GRIA1: variants seen among roughly 807,000 people sequenced by gnomAD.
GRIA1 encodes the protein glutamate ionotropic receptor AMPA type subunit 1.
In GRIA1, 31 loss-of-function variants were observed where a neutral mutation model predicts 99.2. The observed-to-expected ratio is 0.31, with a 90% CI of 0.23 to 0.42. The LOEUF (loss-of-function observed/expected upper bound fraction) is 0.42. Ranked by LOEUF, GRIA1 falls within the 10% of genes least tolerant of loss-of-function variation. The pLI is 1.00. For missense variants in GRIA1, 782 were observed against 1,157.5 expected, an observed-to-expected ratio of 0.68 and a Z score of 4.71; for synonymous variants, 438 against 432.4, an observed-to-expected ratio of 1.01 and a Z score of -0.16.
chr5:153,804,485 C>A (rs1232712865), intron 15 of GRIA1, among the ~76,000 whole-genome samples: 2 of 152,202 alleles, frequency 1.3e-5, no homozygotes, highest in African/African-American at 2.4e-5. Flanking sequence ...GAGCTACAAC[C>A]TGTACCATCC....
At chr5:153,795,332 G>A (rs1002200168) in intron 14 of GRIA1, 8 of 561,130 alleles carry the variant, frequency 1.4e-5, no homozygotes, top group East Asian at 6.4e-5. Context: ...ATGGTGGGGC[G>A]GGGCCAGATG....
At chr5:153,584,854 T>C (rs1763334476) in intron 2 of GRIA1, among the ~76,000 whole-genome samples, 1 of 152,202 alleles carries the variant, frequency 6.6e-6, no homozygotes, top group East Asian at 1.9e-4. Flanking sequence ...AAAAGCAGTC[T>C]GCAGTCCATG....
At chr5:153,746,558 C>A (rs1231331412) in intron 11 of GRIA1, among the ~76,000 whole-genome samples, 1 of 152,124 alleles carries the variant, frequency 6.6e-6, no homozygotes, top group Admixed American at 6.5e-5. Flanking sequence ...CCACAGATGA[C>A]AATGCAGGCC....
intron 2 of GRIA1, among the ~76,000 whole-genome samples, chr5:153,536,003 G>A (rs764116234): frequency 6.6e-5 from 10 of 152,104 alleles, no homozygotes; most frequent in Non-Finnish European, 1.2e-4. Flanking sequence ...TGTCAGAATC[G>A]TCCTTTTAAA....
upstream of GRIA1, chr5:153,490,283 C>G (rs1581118086): frequency 1.1e-5 from 2 of 174,696 alleles, no homozygotes; most frequent in East Asian, 3.4e-4. Context: ...TACAGCTGAA[C>G]CCACATTCCC....
chr5:153,761,313 C>A (rs1194295408), intron 11 of GRIA1, among the ~76,000 whole-genome samples: 1 of 151,912 alleles, frequency 6.6e-6, no homozygotes, highest in Non-Finnish European at 1.5e-5. Context: ...TATAAGGACT[C>A]AATAGCAAAA....
At chr5:153,603,238 C>T (rs892766780) in intron 2 of GRIA1, among the ~76,000 whole-genome samples, 2 of 152,150 alleles carry the variant, frequency 1.3e-5, no homozygotes, top group African/African-American at 4.8e-5. Flanking sequence ...CATGTCCCTA[C>T]AAAGGACATG....
intron 11 of GRIA1, among the ~76,000 whole-genome samples, chr5:153,715,402 A>G (rs1454388969): frequency 2.6e-5 from 4 of 151,842 alleles, no homozygotes; most frequent in African/African-American, 7.3e-5. Flanking sequence ...ACTCCTCTGA[A>G]TCTGTGATTT....
chr5:153,747,605 G>T (rs1041233887), intron 11 of GRIA1, among the ~76,000 whole-genome samples: 3 of 152,212 alleles, frequency 2.0e-5, no homozygotes, highest in African/African-American at 7.2e-5. Context: ...TTGGGGCAAA[G>T]TGAAATTGTT....
chr5:153,713,419 C>G (rs770978712), intron 11 of GRIA1, among the ~76,000 whole-genome samples: 1 of 152,222 alleles, frequency 6.6e-6, no homozygotes, highest in Non-Finnish European at 1.5e-5. Flanking sequence ...TGGCCCCCAT[C>G]ATGGGAGATA....
chr5:153,653,073 C>T (rs1419286995), intron 4 of GRIA1, among the ~76,000 whole-genome samples: 6 of 152,152 alleles, frequency 3.9e-5, no homozygotes, highest in Non-Finnish European at 7.3e-5. Context: ...AATCTAAGCT[C>T]GACGATGCCA....
At chr5:153,506,793 C>T (rs954375077) in intron 2 of GRIA1, among the ~76,000 whole-genome samples, 5 of 152,186 alleles carry the variant, frequency 3.3e-5, no homozygotes, top group Non-Finnish European at 1.5e-5. Flanking sequence ...ACTGCACTTA[C>T]TAGCTCTTCT....
intron 2 of GRIA1, among the ~76,000 whole-genome samples, chr5:153,562,089 T>C (rs545142396): frequency 3.4e-5 from 5 of 148,660 alleles, no homozygotes; most frequent in East Asian, 2.0e-4. Flanking sequence ...CCAAGTTCAT[T>C]TGAGAACCAA....
chr5:153,699,158 A>AACCAC, intron 10 of GRIA1, 85 bp downstream of exon 10: 1 of 895,802 alleles, frequency 1.1e-6, no homozygotes, highest in Non-Finnish European at 1.8e-6. Context: ...GGCCCTGCCC[A>AACCAC]CAGATGTCTA....
intron 2 of GRIA1, among the ~76,000 whole-genome samples, chr5:153,535,664 G>T (rs916274225): frequency 6.6e-6 from 1 of 152,194 alleles, no homozygotes; most frequent in Admixed American, 6.5e-5. Context: ...ACATAAAATA[G>T]TGTCTATGAA....
At chr5:153,646,813 C>A in intron 2 of GRIA1, 115 bp from the exon 3 acceptor site, 1 of 1,108,548 alleles carries the variant, frequency 9.0e-7, no homozygotes, top group Non-Finnish European at 1.3e-6. Context: ...GGATAGATGA[C>A]AGTTGGGTGG....
rs187383032 is a variant in GRIA1, at chr5:153,608,588, C to T, written c.221-38340C>T. Among the ~76,000 whole-genome samples the T allele has an allele frequency of 5.2e-4, 79 of 152,166 alleles. 1 individual carries two copies. Among genetic ancestry groups the T allele is most frequent in the Middle Eastern group, 3.4e-3 (1 of 294 alleles). On this transcript the variant is annotated intron_variant, in intron 2 of 15. Coordinates refer to ENST00000285900, the MANE Select transcript of GRIA1 (RefSeq NM_000827.4). Reference sequence around the variant, plus strand: ...TACTGTTCAATTTTGGAAAATTTTTCGTGGTTCTTTCACATGGTTTTCAGT... The same window carrying T: ...TACTGTTCAATTTTGGAAAATTTTTTGTGGTTCTTTCACATGGTTTTCAGT...
At chr5:153,581,919 G>A (rs1041013762) in intron 2 of GRIA1, among the ~76,000 whole-genome samples, 1 of 151,924 alleles carries the variant, frequency 6.6e-6, no homozygotes, top group Non-Finnish European at 1.5e-5. Flanking sequence ...CACCACGCCC[G>A]GCTAATTTTT....
chr5:153,724,819 C>T (rs960704022), intron 11 of GRIA1, among the ~76,000 whole-genome samples: 2 of 152,232 alleles, frequency 1.3e-5, no homozygotes, highest in African/African-American at 4.8e-5. Flanking sequence ...TTGGAAAACA[C>T]TCTGCAGGAT....
Sources: gnomAD v4.1 joint callset for allele counts (sites outside exome capture counted in the v4.1 genomes callset) on GRCh38, gnomAD v4.1.1 for gene constraint, MANE v1.5 for transcripts, NCBI Gene and HGNC (gene_info 2026-07-23, HGNC 2026-07-21) for gene names.